The following CCDC83 variants were observed in gnomAD, a reference collection of about 807,000 sequenced individuals.
CCDC83 encodes the protein coiled-coil domain-containing protein 83.
Under a neutral mutation model 50.1 loss-of-function variants are expected in CCDC83, and 54 were observed. That is an observed-to-expected ratio of 1.08 (90% confidence interval 0.87 to 1.35). The LOEUF is 1.35. CCDC83 is among the 40% of genes most tolerant of loss of function. The probability of loss-of-function intolerance (pLI) is 0.00; values close to 1 mark genes in which losing one functional copy is unlikely to be tolerated. For missense variants in CCDC83, 518 were observed against 473.9 expected (o/e 1.09, Z -0.86); for synonymous variants, 161 against 153.3 (o/e 1.05, Z -0.37).
intron 5 of CCDC83, among the ~76,000 whole-genome samples, chr11:85,890,459 AGAATT>A (rs919662675): frequency 6.6e-6 from 1 of 152,184 alleles, no homozygotes; most frequent in Non-Finnish European, 1.5e-5. Context: ...AGGGGAGTGC[AGAATT>A]GAAAACCAGG....
intron 5 of CCDC83, 25 bp from the exon 6 acceptor site, chr11:85,895,268 T>A (rs774044767): frequency 1.1e-3 from 597 of 550,646 alleles, no homozygotes; most frequent in Admixed American, 3.8e-3. Context: ...AATTTTCTTT[T>A]TTTTTTTTTT....
intron 2 of CCDC83, among the ~76,000 whole-genome samples, chr11:85,866,408 G>T (rs542909018): frequency 6.6e-6 from 1 of 152,206 alleles, no homozygotes; most frequent in East Asian, 1.9e-4. Context: ...AAAATGACAG[G>T]GTGGTATGGT....
chr11:85,912,567 C>T, intron 8 of CCDC83: 1 of 803,646 alleles, frequency 1.2e-6, no homozygotes, highest in East Asian at 2.4e-5. Flanking sequence ...GAGCTGATGC[C>T]CTAGAGGGCC....
At chr11:85,912,569 T>C in intron 8 of CCDC83, 1 of 815,820 alleles carries the variant, frequency 1.2e-6, no homozygotes, top group South Asian at 1.4e-5. Flanking sequence ...GCTGATGCCC[T>C]AGAGGGCCCC....
At chr11:85,856,863 C>CTATT (rs1387471302) in intron 1 of CCDC83, among the ~76,000 whole-genome samples, 1 of 152,148 alleles carries the variant, frequency 6.6e-6, no homozygotes, top group Non-Finnish European at 1.5e-5. Context: ...TTAGGTGGTA[C>CTATT]TATTACCACT....
chr11:85,862,028 C>CATT (rs1486178917), intron 1 of CCDC83, among the ~76,000 whole-genome samples: 1 of 139,002 alleles, frequency 7.2e-6, no homozygotes, highest in East Asian at 2.1e-4. Flanking sequence ...AAAAGAGAGT[C>CATT]ATTTATTTTA....
intron 7 of CCDC83, among the ~76,000 whole-genome samples, chr11:85,907,962 T>C (rs1185777158): frequency 1.3e-5 from 2 of 152,312 alleles, no homozygotes; most frequent in African/African-American, 2.4e-5. Flanking sequence ...TAGTTTTTTT[T>C]CCTCATCCTT....
chr11:85,916,212 T>A lies in CCDC83; in HGVS notation c.1059T>A (p.Tyr353Ter), dbSNP rs766367611. 2 of 1,609,732 alleles carry A rather than the reference T, an allele frequency of 1.2e-6. No homozygotes were observed. The highest frequency in any genetic ancestry group is 2.2e-5 in the East Asian group (1 of 44,774). The change falls in exon 10 of 11, where the codon TAT (tyrosine) becomes TAA (stop). Residue 353 changes from tyrosine to a stop codon, truncating the protein, a stop_gained. Transcript: ENST00000342404. LOFTEE classifies it high-confidence loss of function. ...FGDTDMKYLL[Y>*]EDEKDFKDYV... ...ACACTGATATGAAGTACTTACTATA[T>A]GAGGATGAGAAGGATTTCAAGGTAA...
rs1465845411 is a variant in CCDC83, at chr11:85,917,201, AGAAAGAAG to A, written c.1080+976_1080+983del. Among the ~76,000 whole-genome samples, 76 of 130,438 alleles carry A rather than the reference AGAAAGAAG, an allele frequency of 5.8e-4. 2 individuals are homozygous for A. Among genetic ancestry groups the A allele is most frequent in the African/African-American group, 2.0e-3 (70 of 35,614 alleles). 85.6% of individuals were successfully genotyped at this position (130,438 alleles called of 152,430 possible). On this transcript the variant is annotated intron_variant, in intron 10 of 10. Coordinates refer to ENST00000342404, the MANE Select transcript of CCDC83 (RefSeq NM_001286159.2). ...GAAAGAAAGAAAGAAAGAGAAAGAA[AGAAAGAAG>A]GAAAGAAAGAAAGAAAGAAAGAAAA...
intron 2 of CCDC83, among the ~76,000 whole-genome samples, chr11:85,869,406 A>G (rs1214253070): frequency 1.3e-5 from 2 of 152,218 alleles, no homozygotes; most frequent in Non-Finnish European, 2.9e-5. Flanking sequence ...ATGAATATGG[A>G]TAGAGATATA....
At chr11:85,917,158 G>GAAAGAAAGAAAGAA (rs1202011090) in intron 10 of CCDC83, among the ~76,000 whole-genome samples, 8 of 66,856 alleles carry the variant, frequency 1.2e-4, no homozygotes, top group South Asian at 3.6e-4. Flanking sequence ...GAGAGAGAGA[G>GAAAGAAAGAAAGAA]AGAGAGAGAG....
At chr11:85,898,486 A>C (rs981021458) in intron 6 of CCDC83, among the ~76,000 whole-genome samples, 2 of 152,220 alleles carry the variant, frequency 1.3e-5, no homozygotes, top group Non-Finnish European at 2.9e-5. Context: ...CTACCCTGAA[A>C]CTACTTGCTG....
intron 3 of CCDC83, among the ~76,000 whole-genome samples, chr11:85,878,918 C>T (rs2093283513): frequency 6.6e-6 from 1 of 152,086 alleles, no homozygotes; most frequent in Non-Finnish European, 1.5e-5. Flanking sequence ...ATTTGCATTT[C>T]CCTAGTGGCT....
At chr11:85,905,442 C>CAA (rs141344643) in intron 7 of CCDC83, among the ~76,000 whole-genome samples, 2,296 of 106,096 alleles carry the variant, frequency 0.022, 37 homozygotes, top group Non-Finnish European at 0.029. Flanking sequence ...AACTCCGCCT[C>CAA]AAAAAAAAAA....
chr11:85,875,412 C>T (rs1384026709), intron 3 of CCDC83, among the ~76,000 whole-genome samples: 1 of 152,212 alleles, frequency 6.6e-6, no homozygotes, highest in Non-Finnish European at 1.5e-5. Flanking sequence ...TATCACTGCT[C>T]CACCTTTTGC....
rs1027380187 is a variant in CCDC83, at chr11:85,908,338, C to T, written c.673-2943C>T. ...ATAATAAGAATTTATGGCTGGGCAC[C>T]GTGGCTCACACCTATAATCCCAGGT... On this transcript the variant is annotated intron_variant, in intron 7 of 10. Coordinates refer to ENST00000342404, the MANE Select transcript of CCDC83 (RefSeq NM_001286159.2). Among the ~76,000 whole-genome samples the T allele has an allele frequency of 6.6e-5, 10 of 151,970 alleles. 1 individual carries two copies. The highest frequency in any genetic ancestry group is 4.6e-4 in the Admixed American group (7 of 15,246).
intron 2 of CCDC83, among the ~76,000 whole-genome samples, chr11:85,872,399 C>T (rs2093243756): frequency 6.6e-6 from 1 of 152,072 alleles, no homozygotes; most frequent in Non-Finnish European, 1.5e-5. Flanking sequence ...GCAGGACAAT[C>T]GCTTGAACCC....
At chr11:85,863,202 G>T (rs1385930670) in intron 1 of CCDC83, among the ~76,000 whole-genome samples, 1 of 152,144 alleles carries the variant, frequency 6.6e-6, no homozygotes, top group Non-Finnish European at 1.5e-5. Context: ...TTACTAAATG[G>T]TAAGTTATTG....
intron 4 of CCDC83, among the ~76,000 whole-genome samples, chr11:85,885,327 T>C (rs768293837): frequency 6.6e-6 from 1 of 152,178 alleles, no homozygotes; most frequent in Non-Finnish European, 1.5e-5. Context: ...GCTTCAGTCA[T>C]TCAACAGACA....
Sources: gnomAD v4.1 joint callset for allele counts (sites outside exome capture counted in the v4.1 genomes callset) on GRCh38, gnomAD v4.1.1 for gene constraint, MANE v1.5 for transcripts, NCBI Gene and HGNC (gene_info 2026-07-23, HGNC 2026-07-21) for gene names.